The following VLDLR variants were observed in gnomAD, a reference collection of about 807,000 sequenced individuals.
VLDLR encodes the protein very low density lipoprotein receptor, also known as very low-density lipoprotein receptor.
Under a neutral mutation model 112.7 loss-of-function variants are expected in VLDLR, and 81 were observed. The ratio of observed to expected loss-of-function variants is 0.72; its 90% CI spans 0.60 to 0.86. The LOEUF (loss-of-function observed/expected upper bound fraction) is 0.86. Among genes scored for constraint, VLDLR ranks in the 40% least tolerant of loss-of-function variants. The pLI is 0.00. For missense variants in VLDLR, 1,237 were observed against 1,099.4 expected (o/e 1.13, Z -1.77); for synonymous variants, 436 against 384.8 (o/e 1.13, Z -1.56).
chr9:2,658,609 C>T lies in VLDLR; in HGVS notation c.*4741C>T, dbSNP rs1445438871. On this transcript the variant is annotated 3_prime_UTR_variant, in exon 19 of 19. Coordinates refer to ENST00000382100, the MANE Select transcript of VLDLR (RefSeq NM_003383.5). ...TGTGTGTGGTACCTTGGGCAAGTTA[C>T]TAACTCCCTCTGTAAAGTAGAGACG... is the stretch of plus-strand genomic sequence containing the variant. 1 of 152,194 alleles carries T rather than the reference C, an allele frequency of 6.6e-6. No homozygotes were observed. Among genetic ancestry groups the T allele is most frequent in the Non-Finnish European group, 1.5e-5 (1 of 68,044 alleles). 9.4% of individuals were successfully genotyped at this position (152,194 alleles called of 1,614,324 possible).
chr9:2,637,019 T>A (rs1817621961), intron 2 of VLDLR, among the ~76,000 whole-genome samples: 1 of 152,192 alleles, frequency 6.6e-6, no homozygotes, highest in Non-Finnish European at 1.5e-5. Flanking sequence ...ACTAGCCACA[T>A]GGTAGGAGAG....
Position 2,648,748 on chromosome 9 carries a change from T to C in VLDLR, c.2042T>C (p.Leu681Pro), listed in dbSNP as rs777251859. ...TTCACTGGATCAGAGCTAGCCACTC[T>C]AGTCAACAACCTGAATGATGCCCAA... The part of the protein sequence containing the change: ...NKFTGSELAT[L>P]VNNLNDAQDI... The change falls in exon 14 of 19, where the codon CTA (leucine) becomes CCA (proline). Residue 681 changes from leucine (L) to proline (P), a missense_variant. Coordinates refer to ENST00000382100, the MANE Select transcript of VLDLR (RefSeq NM_003383.5). 2 of 1,614,198 alleles carry C rather than the reference T, an allele frequency of 1.2e-6. No individual in the cohort carries two copies. Among genetic ancestry groups the C allele is most frequent in the Non-Finnish European group, 1.7e-6 (2 of 1,180,026 alleles).
chr9:2,632,751 G>A (rs900424183), intron 1 of VLDLR, among the ~76,000 whole-genome samples: 41 of 152,078 alleles, frequency 2.7e-4, no homozygotes, highest in African/African-American at 7.0e-4. Flanking sequence ...CTGGGCATTC[G>A]ATTTAGTGTC....
intron 3 of VLDLR, 145 bp from the exon 4 acceptor site, chr9:2,641,232 C>A: frequency 7.9e-7 from 1 of 1,271,000 alleles, no homozygotes; most frequent in Non-Finnish European, 1.1e-6. Context: ...GATGAAAGAG[C>A]TCCCCGGGCT....
intron 2 of VLDLR, among the ~76,000 whole-genome samples, chr9:2,639,025 C>T (rs1817717941): frequency 1.3e-5 from 2 of 152,202 alleles, no homozygotes; most frequent in South Asian, 4.1e-4. Context: ...ATATTCAGTA[C>T]TGGGGTTTGG....
Position 2,622,109 on chromosome 9 carries a change from C to G in VLDLR, c.-81C>G. On this transcript the variant is annotated 5_prime_UTR_variant, in exon 1 of 19. Coordinates refer to ENST00000382100, the MANE Select transcript of VLDLR (RefSeq NM_003383.5). ...CCCTCCCCGCCCCCACCTTCTTCCTCCTTTCGGAAGGACTGGTAACTTGTC... is the reference window on the plus strand; with the variant it reads ...CCCTCCCCGCCCCCACCTTCTTCCTGCTTTCGGAAGGACTGGTAACTTGTC... 2 of 1,352,828 alleles carry G rather than the reference C, an allele frequency of 1.5e-6. No individual in the cohort carries two copies. Among genetic ancestry groups the G allele is most frequent in the Non-Finnish European group, 2.0e-6 (2 of 1,020,870 alleles). The allele number at this position is 1,352,828 out of a possible 1,614,324, so 83.8% of individuals were successfully genotyped here.
Position 2,659,515 on chromosome 9 carries a change from A to T in VLDLR, c.*5647A>T, listed in dbSNP as rs1818726408. On this transcript the variant is annotated 3_prime_UTR_variant, in exon 19 of 19. Coordinates refer to ENST00000382100, the MANE Select transcript of VLDLR (RefSeq NM_003383.5). ...TTGGCCATCCAAGTGAAGTAGAAGT[A>T]GATTGTTGGATTGCAAAGAAAATGA... The T allele has an allele frequency of 6.6e-6, 1 of 152,258 alleles. No homozygotes were observed. Among genetic ancestry groups the T allele is most frequent in the Admixed American group, 6.5e-5 (1 of 15,288 alleles). 9.4% of individuals were successfully genotyped at this position (152,258 alleles called of 1,614,324 possible).
At chr9:2,632,121 G>T (rs1322940169) in intron 1 of VLDLR, among the ~76,000 whole-genome samples, 1 of 152,102 alleles carries the variant, frequency 6.6e-6, no homozygotes, top group African/African-American at 2.4e-5. Flanking sequence ...TCACCCAAAG[G>T]AGCAGAGATA....
intron 17 of VLDLR, 130 bp downstream of exon 17, chr9:2,652,084 C>T (rs998335476): frequency 1.2e-5 from 10 of 828,532 alleles, no homozygotes; most frequent in Non-Finnish European, 1.8e-5. Context: ...GAATTACGTT[C>T]GCTTTCTCCC....
Position 2,654,999 on chromosome 9 carries a change from C to G in VLDLR, c.*1131C>G, listed in dbSNP as rs546320846. 2.6e-5 allele frequency: 4 copies of G among 152,324 alleles called. No individual in the cohort carries two copies. Among genetic ancestry groups the G allele is most frequent in the Admixed American group, 2.6e-4 (4 of 15,304 alleles). 9.4% of individuals were successfully genotyped at this position (152,324 alleles called of 1,614,324 possible). On this transcript the variant is annotated 3_prime_UTR_variant, in exon 19 of 19. Transcript: ENST00000382100. The stretch of plus-strand genomic sequence containing the variant: ...AGTGTGGTCCTGAGAACAGAAGCAT[C>G]TGCATCACCTGGGAATGTATTAGAA...
At chr9:2,627,892 AG>A (rs1157644865) in intron 1 of VLDLR, among the ~76,000 whole-genome samples, 2 of 151,912 alleles carry the variant, frequency 1.3e-5, no homozygotes, top group South Asian at 4.2e-4. Context: ...ATTGCTACAA[AG>A]ATGAGGTGAA....
rs753958817 is a variant in VLDLR at position 2,651,455 on chromosome 9, G to A, written c.2292G>A (p.Thr764=). 23 of 1,613,754 alleles carry A rather than the reference G, an allele frequency of 1.4e-5. No individual in the cohort carries two copies. Among genetic ancestry groups the A allele is most frequent in the South Asian group, 8.8e-5 (8 of 91,058 alleles). Residue 764 remains threonine (T), a synonymous_variant, in exon 16 of 19, where the codon ACG becomes ACA. Transcript: ENST00000382100. The stretch of plus-strand genomic sequence containing the variant: ...TGACTTACAGTGAGACAAAAGATAC[G>A]AACACAACAGAAATTTCAGCAACTA... The part of the protein sequence containing the change: ...TTVTYSETKD[T]NTTEISATSG...
rs34622158 is a variant in VLDLR, at chr9:2,645,795, G to T, written c.1484+50G>T. On this transcript the variant is annotated intron_variant, in intron 10 of 18. Coordinates refer to ENST00000382100, the MANE Select transcript of VLDLR (RefSeq NM_003383.5). ...GTCTTGACATAAGTCATTGTCACTT[G>T]GGAAGTGATCTGTGGGATAGTTTGG... The T allele has an allele frequency of 8.8e-4, 1,414 of 1,608,820 alleles. 14 individuals are homozygous for T. In the African/African-American group the frequency reaches 0.017, roughly 20 times the overall value.
intron 3 of VLDLR, among the ~76,000 whole-genome samples, chr9:2,640,792 G>A (rs1182205918): frequency 6.6e-6 from 1 of 152,192 alleles, no homozygotes; most frequent in Non-Finnish European, 1.5e-5. Context: ...GAGTAATATT[G>A]GTCAAGGCAA....
chr9:2,642,290 A>G (rs964951362), intron 4 of VLDLR, among the ~76,000 whole-genome samples: 4 of 152,192 alleles, frequency 2.6e-5, no homozygotes, highest in African/African-American at 7.2e-5. Flanking sequence ...ATATGGTAGT[A>G]GTCAAGGGAG....
rs183795011 is a variant in VLDLR, at chr9:2,647,478, G to T, written c.1708G>T (p.Val570Phe). The T allele has an allele frequency of 6.8e-6, 11 of 1,613,478 alleles. No homozygotes were observed. The highest frequency in any genetic ancestry group is 9.3e-6 in the Non-Finnish European group (11 of 1,179,596). ...SIAVDPLSGF[V>F]YWSDWGEPAK... Reference sequence around the variant, plus strand: ...TTCTCATTTAATTTTTCACAGCTTTGTTTACTGGTCAGACTGGGGTGAACC... The same window carrying T: ...TTCTCATTTAATTTTTCACAGCTTTTTTTACTGGTCAGACTGGGGTGAACC... Residue 570 changes from valine to phenylalanine, a missense_variant, in exon 12 of 19, where the codon GTT becomes TTT. By Grantham distance (50) the Val-to-Phe change is conservative. Coordinates refer to ENST00000382100, the MANE Select transcript of VLDLR (RefSeq NM_003383.5).
chr9:2,650,218 T>A (rs1270327106), intron 14 of VLDLR, 152 bp from the exon 15 acceptor site: 21 of 918,112 alleles, frequency 2.3e-5, no homozygotes, highest in Non-Finnish European at 2.7e-5. Context: ...ATACTTATTC[T>A]TCCTTGATAC....
chr9:2,643,417 C>G lies in VLDLR; in HGVS notation c.706C>G (p.His236Asp). ...GCAGTGTGGCCGTCAGCCAGTCATACACACCAAGTGTCCAGCCAGCGAAAT... is the reference window on the plus strand; with the variant it reads ...GCAGTGTGGCCGTCAGCCAGTCATAGACACCAAGTGTCCAGCCAGCGAAAT... ...LEQCGRQPVIHTKCPASEIQC... is the reference protein window; with the variant it reads ...LEQCGRQPVIDTKCPASEIQC... Residue 236 changes from histidine (H) to aspartate (D), a missense_variant, in exon 5 of 19, where the codon CAC becomes GAC. Physicochemically the swap from His to Asp is moderately conservative, Grantham distance 81 (BLOSUM62 -1). Coordinates refer to ENST00000382100, the MANE Select transcript of VLDLR (RefSeq NM_003383.5). 6.2e-7 allele frequency: 1 copy of G among 1,614,174 alleles called. No individual in the cohort carries two copies. The highest frequency in any genetic ancestry group is 8.5e-7 in the Non-Finnish European group (1 of 1,180,024).
In VLDLR at chr9:2,653,927, T is replaced by C; in HGVS notation, c.*59T>C. On this transcript the variant is annotated 3_prime_UTR_variant, in exon 19 of 19. Transcript: ENST00000382100. ...ACAAATAATACCCCCGTCGGAATGG[T>C]AACCGAGCCAGCAGCTGAAGTCTCT... The C allele has an allele frequency of 1.3e-6, 2 of 1,574,230 alleles. No individual in the cohort carries two copies. Among genetic ancestry groups the C allele is most frequent in the Non-Finnish European group, 8.7e-7 (1 of 1,143,920 alleles).
Sources: gnomAD v4.1 joint callset for allele counts (sites outside exome capture counted in the v4.1 genomes callset) on GRCh38, gnomAD v4.1.1 for gene constraint, MANE v1.5 for transcripts, NCBI Gene and HGNC (gene_info 2026-07-23, HGNC 2026-07-21) for gene names.